Variants in ATP13A1 observed in about 807,000 individuals in gnomAD.
ATP13A1 encodes ATPase 13A1.
Under a neutral mutation model 134.8 loss-of-function variants are expected in ATP13A1, and 55 were observed. That is an observed-to-expected ratio of 0.41 (90% CI 0.33 to 0.51). ATP13A1 has a LOEUF of 0.51. Among genes scored for constraint, ATP13A1 ranks in the 20% least tolerant of loss-of-function variants. The pLI is 0.29. For missense variants in ATP13A1, 1,389 were observed against 1,652.8 expected, an observed-to-expected ratio of 0.84 and a Z score of 2.77; for synonymous variants, 775 against 725.1, an observed-to-expected ratio of 1.07 and a Z score of -1.10.
Position 19,648,500 on chromosome 19 carries a change from AAAAAAAAAAAAG to A in ATP13A1, c.2633-753_2633-742del, listed in dbSNP as rs1302669875. On this transcript the variant is annotated intron_variant, in intron 19 of 25. Coordinates refer to ENST00000357324, the MANE Select transcript of ATP13A1 (RefSeq NM_020410.3). ...TCAATTTAACACCTGAGTTCTTGCA[AAAAAAAAAAAAG>A]AAAAAAGAAAAAAAGGCCAGGTGAG... Among the ~76,000 whole-genome samples, 245 of 146,628 alleles carry A rather than the reference AAAAAAAAAAAAG, an allele frequency of 1.7e-3. 2 individuals are homozygous for A. The highest frequency in any genetic ancestry group is 6.0e-3 in the African/African-American group (241 of 40,088).
Position 19,645,272 on chromosome 19 carries a change from G to A in ATP13A1, c.*150C>T. 1.2e-6 allele frequency: 1 copy of A among 850,932 alleles called. No homozygotes were observed. The highest frequency in any genetic ancestry group is 1.8e-6 in the Non-Finnish European group (1 of 549,834). 52.7% of individuals were successfully genotyped at this position (850,932 alleles called of 1,614,324 possible). ...GCTGGTTCTGCTGGCCAAGCCAGCG[G>A]ATGGCTGTGGGGGTCCCAGCTCAGT... On this transcript the variant is annotated 3_prime_UTR_variant, in exon 26 of 26. Transcript: ENST00000357324. The surrounding 1 kb of genome is among the most constrained non-coding windows in gnomAD (Gnocchi z 4.1).
intron 22 of ATP13A1, 112 bp from the exon 23 acceptor site, chr19:19,646,459 C>T: frequency 1.6e-6 from 2 of 1,251,520 alleles, no homozygotes; most frequent in Non-Finnish European, 2.2e-6. Flanking sequence ...TGTACAGCCA[C>T]CACCAAATCC....
chr19:19,656,162 G>T lies in ATP13A1; in HGVS notation c.1105C>A (p.Pro369Thr). 1 of 1,611,712 alleles carries T rather than the reference G, an allele frequency of 6.2e-7. No individual in the cohort carries two copies. The highest frequency in any genetic ancestry group is 8.5e-7 in the Non-Finnish European group (1 of 1,178,492). ...QMKEPIEDLS[P>T]DRVLDLQADS... ...GCCTGGAGGTCCAGCACCCGGTCTG[G>T]GCTGAGGTCTTCGATGGGCTCCTGG... The change falls in exon 8 of 26, where the codon CCA becomes ACA. Residue 369 changes from proline (P) to threonine (T), a missense_variant. By Grantham distance (38) the Pro-to-Thr change is conservative (BLOSUM62 -1). Around this residue, in one of 4 missense-constraint regions of ATP13A1, gnomAD observed 747 missense variants for 956.1 expected, o/e 0.78. Coordinates refer to ENST00000357324, the MANE Select transcript of ATP13A1 (RefSeq NM_020410.3). This position sits in a 1 kb window ranked among gnomAD's most constrained non-coding sequence, Gnocchi z 4.6.
At chr19:19,657,718 C>CGTCATCTG (rs1309977169) in intron 3 of ATP13A1, among the ~76,000 whole-genome samples, 4 of 152,130 alleles carry the variant, frequency 2.6e-5, no homozygotes, top group Non-Finnish European at 5.9e-5. Context: ...GACGAGAGCC[C>CGTCATCTG]GTCATCTGGT....
rs1355710864 is a variant in ATP13A1 at position 19,656,005 on chromosome 19, C to T, written c.1213+49G>A. On this transcript the variant is annotated intron_variant, in intron 8 of 25. Coordinates refer to ENST00000357324, the MANE Select transcript of ATP13A1 (RefSeq NM_020410.3). This position sits in a 1 kb window ranked among gnomAD's most constrained non-coding sequence, Gnocchi z 4.6. ...ACTCCCTCATGATCAAGCAGACGGG[C>T]AAAGGGGGTGGAAGCCCAGATACCC... 1 of 1,612,308 alleles carries T rather than the reference C, an allele frequency of 6.2e-7. No individual in the cohort carries two copies. Among genetic ancestry groups the T allele is most frequent in the African/African-American group, 1.3e-5 (1 of 74,894 alleles).
In ATP13A1 at chr19:19,645,771, C is replaced by A. The variant is rs768617691; in HGVS notation, c.3380G>T (p.Ser1127Ile). 1.9e-6 allele frequency: 3 copies of A among 1,610,130 alleles called. No homozygotes were observed. The highest frequency in any genetic ancestry group is 1.6e-4 in the Middle Eastern group (1 of 6,078). The change falls in exon 25 of 26, where the codon AGC (serine) becomes ATC (isoleucine). Residue 1127 changes from serine to isoleucine, a missense_variant. This residue lies in a region of ATP13A1 where 228 missense variants were observed against 321.0 expected (regional missense o/e 0.71). Transcript: ENST00000357324. This position sits in a 1 kb window ranked among gnomAD's most constrained non-coding sequence, Gnocchi z 4.1. ...CACCAGGGGCTTGTTCTCGGGCAGG[C>A]TCTCCATGAAGGGCGGGCCCTGTGG... ...INYKGPPFME[S>I]LPENKPLVWS... is the part of the protein sequence containing the mutation.
rs2062108023 is a variant in ATP13A1, at chr19:19,663,522, G to C, written c.145C>G (p.Leu49Val). The C allele has an allele frequency of 1.3e-6, 2 of 1,531,330 alleles. No homozygotes were observed. The highest frequency in any genetic ancestry group is 1.7e-6 in the Non-Finnish European group (2 of 1,144,948). The allele number at this position is 1,531,330 out of a possible 1,614,324, so 94.9% of individuals were successfully genotyped here. A position where few individuals can be genotyped will look rare whatever the true frequency, so the allele number is the denominator to read the frequency against. ...CGGTACGGCCACACGGCAGCCACCA[G>C]CTCGTCACCGTTCGCTATGAGCGCC... Reference protein sequence around the residue: ...GPALIANGDELVAAVWPYRRL... With the variant: ...GPALIANGDEVVAAVWPYRRL... Residue 49 changes from leucine (L) to valine (V), a missense_variant, in exon 1 of 26, where the codon CTG becomes GTG. Physicochemically the swap from Leu to Val is conservative, Grantham distance 32 (BLOSUM62 1). Transcript: ENST00000357324.
Position 19,655,202 on chromosome 19 carries a change from A to G in ATP13A1, c.1572T>C (p.Ala524=). 2 of 1,613,998 alleles carry G rather than the reference A, an allele frequency of 1.2e-6. No individual in the cohort carries two copies. The highest frequency in any genetic ancestry group is 1.7e-6 in the Non-Finnish European group (2 of 1,179,886). The change falls in exon 12 of 26, where the codon GCT becomes GCC. Residue 524 remains alanine (A), a synonymous_variant. Coordinates refer to ENST00000357324, the MANE Select transcript of ATP13A1 (RefSeq NM_020410.3). The surrounding 1 kb of genome is among the most constrained non-coding windows in gnomAD (Gnocchi z 5.7). ...YCTEPFRIPF[A]GKVEVCCFDK... is the part of the protein sequence containing the mutation. ...CAAAGCAGCACACCTCGACCTTGCC[A>G]GCAAAGGGGATCCGGAAGGGCTCTG...
In ATP13A1 at chr19:19,645,334, G is replaced by A. The variant is rs2061977211; in HGVS notation, c.*88C>T. ...GAGACTGTACAGCCTTGCTGTGGGG[G>A]GTTGGGGGCAGGGTTCCCTCCCGGG... On this transcript the variant is annotated 3_prime_UTR_variant, in exon 26 of 26. Coordinates refer to ENST00000357324, the MANE Select transcript of ATP13A1 (RefSeq NM_020410.3). This position sits in a 1 kb window ranked among gnomAD's most constrained non-coding sequence, Gnocchi z 4.1. 7.2e-7 allele frequency: 1 copy of A among 1,384,770 alleles called. No individual in the cohort carries two copies. Among genetic ancestry groups the A allele is most frequent in the East Asian group, 2.5e-5 (1 of 40,018 alleles). 85.8% of individuals were successfully genotyped at this position (1,384,770 alleles called of 1,614,324 possible). A position where few individuals can be genotyped will look rare whatever the true frequency, so the allele number is the denominator to read the frequency against.
In ATP13A1 at chr19:19,647,572, T is replaced by G. The variant is rs760347880; in HGVS notation, c.2793+27A>C. On this transcript the variant is annotated intron_variant, in intron 20 of 25. Transcript: ENST00000357324. This position sits in a 1 kb window ranked among gnomAD's most constrained non-coding sequence, Gnocchi z 4.8. ...GCTGTCAGCCCTGGCCAGGATGGGG[T>G]GCAGCACCTCCCCTCTTGGGACTCA... 12 of 1,612,634 alleles carry G rather than the reference T, an allele frequency of 7.4e-6. No individual in the cohort carries two copies. Among genetic ancestry groups the G allele is most frequent in the Middle Eastern group, 1.7e-4 (1 of 6,060 alleles).
In ATP13A1 at chr19:19,651,792, G is replaced by C. The variant is rs757299624; in HGVS notation, c.2232C>G (p.Val744=). 1.2e-6 allele frequency: 2 copies of C among 1,611,952 alleles called. No individual in the cohort carries two copies. Among genetic ancestry groups the C allele is most frequent in the Non-Finnish European group, 1.7e-6 (2 of 1,178,906 alleles). The part of the protein sequence containing the change: ...REIQNASHRV[V]MITGDNPLTA... Reference sequence around the variant, plus strand: ...TGAGCGGGTTGTCTCCCGTGATCATGACCACCTTGGGTAAAGAGGGGCAGA... The same window carrying C: ...TGAGCGGGTTGTCTCCCGTGATCATCACCACCTTGGGTAAAGAGGGGCAGA... The change falls in exon 17 of 26, where the codon GTC becomes GTG. Residue 744 remains valine, a synonymous_variant. Coordinates refer to ENST00000357324, the MANE Select transcript of ATP13A1 (RefSeq NM_020410.3).
chr19:19,662,366 G>T (rs911668618), intron 1 of ATP13A1: 6 of 985,170 alleles, frequency 6.1e-6, no homozygotes, highest in South Asian at 4.7e-5. Context: ...CAGCCAGGGT[G>T]GGGGGCTTCT....
chr19:19,647,730 G>T lies in ATP13A1; in HGVS notation c.2662C>A (p.Arg888=). Residue 888 remains arginine (R), a synonymous_variant, in exon 20 of 26, where the codon CGG becomes AGG. Coordinates refer to ENST00000357324, the MANE Select transcript of ATP13A1 (RefSeq NM_020410.3). The surrounding 1 kb of genome is among the most constrained non-coding windows in gnomAD (Gnocchi z 4.8). ...GGCCGCCGTCGCCGCTCGACAACCCGCTCAGGGGCATTGGCCAAGAGCGCC... is the reference window on the plus strand; with the variant it reads ...GGCCGCCGTCGCCGCTCGACAACCCTCTCAGGGGCATTGGCCAAGAGCGCC... ...GVALLANAPE[R]VVERRRRPRD... 1 of 1,605,186 alleles carries T rather than the reference G, an allele frequency of 6.2e-7. No individual in the cohort carries two copies.
rs530016450 is a variant in ATP13A1 at position 19,655,329 on chromosome 19, G to A, written c.1521C>T (p.Ala507=). Residue 507 remains alanine, a synonymous_variant, in exon 11 of 26, where the codon GCC becomes GCT. Coordinates refer to ENST00000357324, the MANE Select transcript of ATP13A1 (RefSeq NM_020410.3). The surrounding 1 kb of genome is among the most constrained non-coding windows in gnomAD (Gnocchi z 5.7). ...LSLAVNTSLI[A]LAKLYMYCTE... is the part of the protein sequence containing the mutation. ...TGACACACTCACAGAGCTTGGCCAG[G>A]GCGATGAGGGAGGTGTTGACGGCCA... The A allele has an allele frequency of 6.2e-7, 1 of 1,613,980 alleles. No individual in the cohort carries two copies. The highest frequency in any genetic ancestry group is 8.5e-7 in the Non-Finnish European group (1 of 1,179,890).
chr19:19,647,119 TG>T lies in ATP13A1; in HGVS notation c.3105+9del, dbSNP rs1425368420. 1 of 1,608,288 alleles carries T rather than the reference TG, an allele frequency of 6.2e-7. No homozygotes were observed. Among genetic ancestry groups the T allele is most frequent in the Non-Finnish European group, 8.5e-7 (1 of 1,176,900 alleles). On this transcript the variant is annotated intron_variant, in intron 22 of 25. Coordinates refer to ENST00000357324, the MANE Select transcript of ATP13A1 (RefSeq NM_020410.3). This position sits in a 1 kb window ranked among gnomAD's most constrained non-coding sequence, Gnocchi z 4.8. ...TGCATCCCTGGCCTTCCAGCACCTC[TG>T]GGGCCCACCTTGGAACGGGAGATGA...
In ATP13A1 at chr19:19,650,881, T is replaced by C. The variant is rs116759235; in HGVS notation, c.2335+808A>G. ...TGCGTGCGCCCACAGGGGCTTCACC[T>C]CTAGCTCTGGGGCAGGTATCTGGTA... is the stretch of plus-strand genomic sequence containing the variant. On this transcript the variant is annotated intron_variant, in intron 17 of 25. Transcript: ENST00000357324. 1,519 of 152,426 alleles carry C rather than the reference T, an allele frequency of 1.0e-2. 25 individuals carry two copies. The highest frequency in any genetic ancestry group is 0.034 in the African/African-American group (1,427 of 41,568). The allele number at this position is 152,426 out of a possible 1,614,324, so 9.4% of individuals were successfully genotyped here. A position where few individuals can be genotyped will look rare whatever the true frequency, so the allele number is the denominator to read the frequency against.
In ATP13A1 at chr19:19,649,911, C is replaced by G. The variant is rs761432657; in HGVS notation, c.2365G>C (p.Gly789Arg). ...GRQCEWRSID[G>R]SIVLPLARGS... ...CGGGCCAGGGGCAGCACGATGCTGC[C>G]GTCAATGGAGCGCCACTCGCACTGC... Residue 789 changes from glycine (G) to arginine (R), a missense_variant, in exon 18 of 26, where the codon GGC (glycine) becomes CGC (arginine). Around this residue, in one of 4 missense-constraint regions of ATP13A1, gnomAD observed 747 missense variants for 956.1 expected, o/e 0.78. Coordinates refer to ENST00000357324, the MANE Select transcript of ATP13A1 (RefSeq NM_020410.3). 1.3e-6 allele frequency: 2 copies of G among 1,597,794 alleles called. No individual in the cohort carries two copies. Among genetic ancestry groups the G allele is most frequent in the African/African-American group, 2.7e-5 (2 of 74,832 alleles).
At position 19,646,213 on chromosome 19, in the gene ATP13A1, G is replaced by A; in HGVS notation, c.3240C>T (p.Ser1080=). 1 of 1,613,796 alleles carries A rather than the reference G, an allele frequency of 6.2e-7. No homozygotes were observed. Residue 1080 remains serine, a synonymous_variant, in exon 23 of 26, where the codon AGC becomes AGT. Coordinates refer to ENST00000357324, the MANE Select transcript of ATP13A1 (RefSeq NM_020410.3). ...TCCAAGGCAGCACTTACTTCTCGGG[G>A]CTCCGGGCCTGGGCCTCACGGTACA... The part of the protein sequence containing the change: ...VYLYREAQAR[S]PEKQEQFVDL...
intron 1 of ATP13A1, 94 bp from the exon 2 acceptor site, chr19:19,660,081 G>C: frequency 9.5e-7 from 1 of 1,054,952 alleles, no homozygotes. Context: ...AGCTCTATGG[G>C]TATATTCTGA....
Sources: gnomAD v4.1 joint callset for allele counts (sites outside exome capture counted in the v4.1 genomes callset) on GRCh38, gnomAD v4.1.1 for gene constraint, gnomAD v4.1.1 regional missense constraint, Gnocchi (gnomAD v3.1) non-coding constraint, MANE v1.5 for transcripts, NCBI Gene and HGNC (gene_info 2026-07-23, HGNC 2026-07-21) for gene names.